The following ITM2B variants were observed in gnomAD, a reference collection of about 807,000 sequenced individuals.
The protein encoded by ITM2B is integral membrane protein 2B, also known as ABri/ADan amyloid peptide.
A neutral mutation model predicts 27.8 loss-of-function variants in ITM2B; 11 were observed. The observed-to-expected ratio is 0.40, with a 90% CI of 0.25 to 0.66. ITM2B has a LOEUF of 0.66. Ranked by LOEUF, ITM2B falls within the 30% of genes least tolerant of loss-of-function variation. The pLI is 0.43. For synonymous variants in ITM2B, 114 were observed against 114.3 expected, an observed-to-expected ratio of 1.00 and a Z score of 0.02; for missense variants, 296 against 328.9, an observed-to-expected ratio of 0.90 and a Z score of 0.77.
chr13:48,240,736 T>C (rs7986004), intron 1 of ITM2B, among the ~76,000 whole-genome samples: 1 of 152,242 alleles, frequency 6.6e-6, no homozygotes, highest in South Asian at 2.1e-4. Flanking sequence ...TATGCAAATA[T>C]ATAGTCCTGC....
chr13:48,256,440 TG>T, intron 3 of ITM2B, 57 bp downstream of exon 3: 1 of 1,312,372 alleles, frequency 7.6e-7, no homozygotes, highest in South Asian at 1.2e-5. Context: ...TTATGCTTTT[TG>T]TAGTTTTAAT....
Position 48,263,784 on chromosome 13 carries a change from C to T in ITM2B, c.*2560C>T, listed in dbSNP as rs1275205949. ...CACAGATGACTCTGGGTTCCTCTTA[C>T]AAGGACACTAGTTCCATTCATGGGG... On this transcript the variant is annotated 3_prime_UTR_variant, in exon 6 of 6. Coordinates refer to ENST00000647800, the MANE Select transcript of ITM2B (RefSeq NM_021999.5). 1 of 152,110 alleles carries T rather than the reference C, an allele frequency of 6.6e-6. No homozygotes were observed. Among genetic ancestry groups the T allele is most frequent in the African/African-American group, 2.4e-5 (1 of 41,410 alleles). The allele number at this position is 152,110 out of a possible 1,614,324, so 9.4% of individuals were successfully genotyped here. A position where few individuals can be genotyped will look rare whatever the true frequency, so the allele number is the denominator to read the frequency against.
At position 48,267,403 on chromosome 13, in the gene ITM2B, T is replaced by G. The variant is rs1411372523; in HGVS notation, c.*6179T>G. ...ATAACCCAAGTTCTGTCAGAAACAC[T>G]GCTGAGGCATCCAGGAAGATGAGCC... On this transcript the variant is annotated 3_prime_UTR_variant, in exon 6 of 6. Coordinates refer to ENST00000647800, the MANE Select transcript of ITM2B (RefSeq NM_021999.5). 6.6e-6 allele frequency: 1 copy of G among 152,216 alleles called. No individual in the cohort carries two copies. The highest frequency in any genetic ancestry group is 2.4e-5 in the African/African-American group (1 of 41,460). The allele number at this position is 152,216 out of a possible 1,614,324, so 9.4% of individuals were successfully genotyped here.
chr13:48,253,762 A>T, intron 1 of ITM2B, 46 bp from the exon 2 acceptor site: 1 of 1,588,380 alleles, frequency 6.3e-7, no homozygotes, highest in South Asian at 1.1e-5. Context: ...GCCTTCTGTT[A>T]TTCTGTCTGG....
chr13:48,246,474 C>T (rs1951725289), intron 1 of ITM2B, among the ~76,000 whole-genome samples: 1 of 152,214 alleles, frequency 6.6e-6, no homozygotes, highest in Non-Finnish European at 1.5e-5. Context: ...TTGTTAACTT[C>T]TCAGCCAGAG....
Position 48,253,928 on chromosome 13 carries a change from G to T in ITM2B, c.238G>T (p.Ala80Ser). The change falls in exon 2 of 6, where the codon GCA becomes TCA. Residue 80 changes from alanine to serine, a missense_variant. Ala to Ser is a moderately conservative substitution (Grantham distance 99). Coordinates refer to ENST00000647800, the MANE Select transcript of ITM2B (RefSeq NM_021999.5). ...AGGAGCATACTTGTACAAATATTTT[G>T]CACTTCAAGTAAGTGGAAAAATTAT... ...LGGAYLYKYF[A>S]LQPDDVYYCG... The T allele has an allele frequency of 1.9e-6, 3 of 1,612,524 alleles. No homozygotes were observed. Among genetic ancestry groups the T allele is most frequent in the African/African-American group, 1.3e-5 (1 of 74,712 alleles).
chr13:48,234,911 T>C (rs1951658341), intron 1 of ITM2B, among the ~76,000 whole-genome samples: 1 of 152,266 alleles, frequency 6.6e-6, no homozygotes, highest in Admixed American at 6.5e-5. Flanking sequence ...CAAATTATTA[T>C]GTTAGCTCTT....
chr13:48,246,789 G>C (rs1316255513), intron 1 of ITM2B, among the ~76,000 whole-genome samples: 4 of 152,140 alleles, frequency 2.6e-5, no homozygotes, highest in Non-Finnish European at 5.9e-5. Context: ...AAAGATAAGA[G>C]AGAAGTTGAA....
chr13:48,258,930 G>T lies in ITM2B; in HGVS notation c.698G>T (p.Arg233Leu), dbSNP rs368050477. 19 of 1,612,774 alleles carry T rather than the reference G, an allele frequency of 1.2e-5. No individual in the cohort carries two copies. Among genetic ancestry groups the T allele is most frequent in the Non-Finnish European group, 1.6e-5 (19 of 1,179,062 alleles). Reference sequence around the variant, plus strand: ...GACAAGGAAACTTACAAACTGCAACGCAGAGAAACTATTAAAGGTAATACT... The same window carrying T: ...GACAAGGAAACTTACAAACTGCAACTCAGAGAAACTATTAAAGGTAATACT... ...CHDKETYKLQ[R>L]RETIKGIQKR... Residue 233 changes from arginine (R) to leucine (L), a missense_variant, in exon 5 of 6, where the codon CGC (arginine) becomes CTC (leucine). Arg to Leu is a moderately radical substitution (Grantham distance 102). Transcript: ENST00000647800.
rs78714534 is a variant in ITM2B at position 48,251,094 on chromosome 13, C to G, written c.118-2714C>G. Among the ~76,000 whole-genome samples, 1,508 of 152,340 alleles carry G rather than the reference C, an allele frequency of 9.9e-3. 14 individuals are homozygous for G. The highest frequency in any genetic ancestry group is 0.016 in the Non-Finnish European group (1,059 of 68,028). ...TTGAATGAACATGAGAAGTCAAACT[C>G]TAGCATGGTTTACAAAGGTCTTTTG... On this transcript the variant is annotated intron_variant, in intron 1 of 5. Coordinates refer to ENST00000647800, the MANE Select transcript of ITM2B (RefSeq NM_021999.5).
intron 3 of ITM2B, among the ~76,000 whole-genome samples, chr13:48,257,148 TATAAC>T (rs1951794480): frequency 6.6e-6 from 1 of 152,214 alleles, no homozygotes; most frequent in African/African-American, 2.4e-5. Context: ...ATAAAACAGT[TATAAC>T]AAAATACTAT....
intron 5 of ITM2B, 76 bp from the exon 6 acceptor site, chr13:48,261,063 A>G: frequency 1.0e-6 from 1 of 960,700 alleles, no homozygotes; most frequent in South Asian, 1.5e-5. Flanking sequence ...ATGTCTAAAT[A>G]ATAACTATAA....
intron 3 of ITM2B, 49 bp downstream of exon 3, chr13:48,256,432 A>C: frequency 1.5e-6 from 2 of 1,356,858 alleles, no homozygotes; most frequent in Non-Finnish European, 2.1e-6. Flanking sequence ...TCTGTAGTTT[A>C]TGCTTTTTGT....
At chr13:48,247,473 T>G (rs1011979180) in intron 1 of ITM2B, among the ~76,000 whole-genome samples, 3 of 152,206 alleles carry the variant, frequency 2.0e-5, no homozygotes, top group African/African-American at 7.2e-5. Flanking sequence ...CTGAGCACTT[T>G]GAAAAATGTC....
rs911764189 is a variant in ITM2B, at chr13:48,266,662, G to C, written c.*5438G>C. ...ATTATTCAGATGGAAATTAATGTTT[G>C]TTGAATGAATGAGCTACATTTCATG... is the stretch of plus-strand genomic sequence containing the variant. On this transcript the variant is annotated 3_prime_UTR_variant, in exon 6 of 6. Transcript: ENST00000647800. 3 of 152,140 alleles carry C rather than the reference G, an allele frequency of 2.0e-5. No homozygotes were observed. Among genetic ancestry groups the C allele is most frequent in the Non-Finnish European group, 4.4e-5 (3 of 68,034 alleles). 9.4% of individuals were successfully genotyped at this position (152,140 alleles called of 1,614,324 possible).
At chr13:48,250,549 T>C (rs2251813) in intron 1 of ITM2B, among the ~76,000 whole-genome samples, 64,542 of 150,934 alleles carry the variant, frequency 0.43, 17,905 homozygotes, top group African/African-American at 0.8. Flanking sequence ...ACCCAGGAGG[T>C]GGAGCTTTCA....
rs1951818612 is a variant in ITM2B at position 48,261,028 on chromosome 13, G to T, written c.716-111G>T. ...ACATTCAAACTGTAGAAGTTTTTGT[G>T]GAATATAGAGTGAAATACTTCTATA... is the stretch of plus-strand genomic sequence containing the variant. On this transcript the variant is annotated intron_variant, in intron 5 of 5. Transcript: ENST00000647800. The T allele has an allele frequency of 2.2e-5, 16 of 735,714 alleles. No individual in the cohort carries two copies. The South Asian group carries it at 2.4e-4, about 11-fold the overall frequency. The allele number at this position is 735,714 out of a possible 1,614,324, so 45.6% of individuals were successfully genotyped here.
At chr13:48,240,105 A>G (rs1951691176) in intron 1 of ITM2B, among the ~76,000 whole-genome samples, 1 of 152,222 alleles carries the variant, frequency 6.6e-6, no homozygotes, top group South Asian at 2.1e-4. Context: ...TCTGTGTCTC[A>G]GTTTTTTCAT....
Position 48,264,787 on chromosome 13 carries a change from T to A in ITM2B, c.*3563T>A, listed in dbSNP as rs899221116. The A allele has an allele frequency of 3.3e-5, 5 of 152,220 alleles. No individual in the cohort carries two copies. Among genetic ancestry groups the A allele is most frequent in the Non-Finnish European group, 7.3e-5 (5 of 68,034 alleles). The allele number at this position is 152,220 out of a possible 1,614,324, so 9.4% of individuals were successfully genotyped here. ...TAGCGTTCTTCTTTCTGAGTCTTTGTGGCTAATGCTTTTTTGAGGAAGAAG... is the reference window on the plus strand; with the variant it reads ...TAGCGTTCTTCTTTCTGAGTCTTTGAGGCTAATGCTTTTTTGAGGAAGAAG... On this transcript the variant is annotated 3_prime_UTR_variant, in exon 6 of 6. Transcript: ENST00000647800.
Sources: gnomAD v4.1 joint callset for allele counts (sites outside exome capture counted in the v4.1 genomes callset) on GRCh38, gnomAD v4.1.1 for gene constraint, MANE v1.5 for transcripts, NCBI Gene and HGNC (gene_info 2026-07-23, HGNC 2026-07-21) for gene names.